CACNB2: variants seen among roughly 807,000 people sequenced by gnomAD.
CACNB2 encodes the protein voltage-dependent L-type calcium channel subunit beta-2.
Under a neutral mutation model 73.3 loss-of-function variants are expected in CACNB2, and 42 were observed. That is an observed-to-expected ratio of 0.57 (90% CI 0.45 to 0.74). The LOEUF (loss-of-function observed/expected upper bound fraction) is 0.74. Ranked by LOEUF, CACNB2 falls within the 30% of genes least tolerant of loss-of-function variation. The pLI is 0.00. For synonymous variants in CACNB2, 348 were observed against 310.3 expected, an observed-to-expected ratio of 1.12 and a Z score of -1.28; for missense variants, 940 against 853.0, an observed-to-expected ratio of 1.10 and a Z score of -1.27.
At chr10:18,222,104 G>A (rs2035816169) in intron 2 of CACNB2, among the ~76,000 whole-genome samples, 1 of 152,152 alleles carries the variant, frequency 6.6e-6, no homozygotes, top group African/African-American at 2.4e-5. Context: ...TCCCTGGCAG[G>A]AGTACACAAT....
chr10:18,185,024 C>T (rs2034085234), intron 2 of CACNB2, among the ~76,000 whole-genome samples: 1 of 151,998 alleles, frequency 6.6e-6, no homozygotes, highest in Admixed American at 6.6e-5. Context: ...TTTTTTGTAG[C>T]AACAGAATCC....
In CACNB2 at chr10:18,524,207, G is replaced by GTT. The variant is rs112945151; in HGVS notation, c.945-3370_945-3369dup. Among the ~76,000 whole-genome samples the GTT allele has an allele frequency of 4.3e-3, 632 of 145,632 alleles. 2 individuals carry two copies. The highest frequency in any genetic ancestry group is 6.8e-3 in the Non-Finnish European group (450 of 65,796). ...GAAAGCTACCTGGGATAAATTCACGGTTTTTTTTTTTTGTTTTTTTGTTTT... is the reference window on the plus strand; with the variant it reads ...GAAAGCTACCTGGGATAAATTCACGGTTTTTTTTTTTTTTGTTTTTTTGTTTT... On this transcript the variant is annotated intron_variant, in intron 9 of 13. Coordinates refer to ENST00000324631, the MANE Select transcript of CACNB2 (RefSeq NM_201596.3).
chr10:18,222,834 G>T (rs1190377672), intron 2 of CACNB2, among the ~76,000 whole-genome samples: 1 of 152,196 alleles, frequency 6.6e-6, no homozygotes, highest in East Asian at 1.9e-4. Context: ...CTACTTGGGA[G>T]GCTGAGGCAG....
At chr10:18,494,631 C>CAAAAA (rs909672661) in intron 3 of CACNB2, among the ~76,000 whole-genome samples, 64 of 59,728 alleles carry the variant, frequency 1.1e-3, no homozygotes, top group East Asian at 1.5e-3. Context: ...GACTCCGTCT[C>CAAAAA]AAAAAAAAAA....
chr10:18,313,260 A>T (rs1002986963), intron 2 of CACNB2, among the ~76,000 whole-genome samples: 1 of 150,622 alleles, frequency 6.6e-6, no homozygotes, highest in African/African-American at 2.4e-5. Flanking sequence ...GTTTAGATTT[A>T]TAGCAGGTTC....
intron 2 of CACNB2, among the ~76,000 whole-genome samples, chr10:18,185,907 A>T (rs1336056506): frequency 6.6e-6 from 1 of 152,110 alleles, no homozygotes; most frequent in Non-Finnish European, 1.5e-5. Flanking sequence ...GTGAACAGGT[A>T]AGTGTGAGTC....
intron 2 of CACNB2, among the ~76,000 whole-genome samples, chr10:18,228,391 A>G (rs2036084600): frequency 7.4e-6 from 1 of 134,846 alleles, no homozygotes; most frequent in South Asian, 2.6e-4. Context: ...CGAGATGGCG[A>G]CATTGCACTC....
At chr10:18,183,341 T>TG (rs1315261530) in intron 2 of CACNB2, among the ~76,000 whole-genome samples, 1 of 152,036 alleles carries the variant, frequency 6.6e-6, no homozygotes, top group Non-Finnish European at 1.5e-5. Flanking sequence ...TTATTATTTT[T>TG]TTTCATTAAA....
intron 2 of CACNB2, among the ~76,000 whole-genome samples, chr10:18,233,453 C>T (rs144223765): frequency 2.1e-3 from 305 of 147,452 alleles, no homozygotes; most frequent in East Asian, 6.4e-3. Context: ...ATCTTTTTTT[C>T]TCTCTCTCTC....
chr10:18,414,325 C>G (rs537199040), intron 3 of CACNB2, among the ~76,000 whole-genome samples: 1 of 152,292 alleles, frequency 6.6e-6, no homozygotes, highest in Admixed American at 6.5e-5. Context: ...CTGAGTAACA[C>G]CAAGTACTTG....
At chr10:18,237,365 C>A (rs2036485904) in intron 2 of CACNB2, among the ~76,000 whole-genome samples, 2 of 152,058 alleles carry the variant, frequency 1.3e-5, no homozygotes, top group Non-Finnish European at 1.5e-5. Flanking sequence ...AAGAGAAAAC[C>A]AAGACACAGA....
chr10:18,432,983 C>G (rs1371950873), intron 3 of CACNB2, among the ~76,000 whole-genome samples: 1 of 152,144 alleles, frequency 6.6e-6, no homozygotes, highest in Non-Finnish European at 1.5e-5. Context: ...CTGGTGTCAG[C>G]TATCTTTTAT....
intron 2 of CACNB2, among the ~76,000 whole-genome samples, chr10:18,201,486 G>A (rs1277761): frequency 0.87 from 131,765 of 152,086 alleles, 57,274 homozygotes; most frequent in Non-Finnish European, 0.9. Flanking sequence ...TGTTGGACAA[G>A]CTGGTCTTGA....
chr10:18,328,089 A>G (rs2040654790), intron 2 of CACNB2, among the ~76,000 whole-genome samples: 1 of 152,218 alleles, frequency 6.6e-6, no homozygotes, highest in Non-Finnish European at 1.5e-5. Context: ...GCAGTGCTCT[A>G]AGAATCTTAG....
intron 3 of CACNB2, among the ~76,000 whole-genome samples, chr10:18,437,050 T>C (rs2046171097): frequency 6.6e-6 from 1 of 152,238 alleles, no homozygotes; most frequent in African/African-American, 2.4e-5. Context: ...AGTCACCTGA[T>C]ACATTTGACT....
At chr10:18,166,821 C>G (rs959133124) in intron 2 of CACNB2, among the ~76,000 whole-genome samples, 4 of 152,086 alleles carry the variant, frequency 2.6e-5, no homozygotes, top group Non-Finnish European at 5.9e-5. Flanking sequence ...GTGCAGCACA[C>G]CAACATGGCA....
intron 2 of CACNB2, among the ~76,000 whole-genome samples, chr10:18,160,055 A>G (rs182239138): frequency 1.3e-5 from 2 of 152,300 alleles, no homozygotes; most frequent in Admixed American, 6.5e-5. Flanking sequence ...GTATACTATT[A>G]AAACATTTTA....
chr10:18,205,795 C>T (rs1269970168), intron 2 of CACNB2, among the ~76,000 whole-genome samples: 1 of 152,136 alleles, frequency 6.6e-6, no homozygotes, highest in Admixed American at 6.5e-5. Context: ...CAAAACCTAA[C>T]TCCTCCAGTG....
In CACNB2 at chr10:18,540,236, A is replaced by AAAGTT. The variant is rs1368108182; in HGVS notation, c.*514_*518dup. Reference sequence around the variant, plus strand: ...TCTTGCCTTACACAAAGGGGATCATAAAGTTAGAATCTATTTTCTATGTAC... The same window carrying AAAGTT: ...TCTTGCCTTACACAAAGGGGATCATAAAGTTAAGTTAGAATCTATTTTCTATGTAC... On this transcript the variant is annotated 3_prime_UTR_variant, in exon 14 of 14. Coordinates refer to ENST00000324631, the MANE Select transcript of CACNB2 (RefSeq NM_201596.3). 1 of 174,084 alleles carries AAAGTT rather than the reference A, an allele frequency of 5.7e-6. No homozygotes were observed. Among genetic ancestry groups the AAAGTT allele is most frequent in the East Asian group, 1.5e-4 (1 of 6,456 alleles). 10.8% of individuals were successfully genotyped at this position (174,084 alleles called of 1,614,324 possible). A position where few individuals can be genotyped will look rare whatever the true frequency, so the allele number is the denominator to read the frequency against.
Sources: allele counts gnomAD v4.1 joint callset (sites outside exome capture counted in the v4.1 genomes callset), GRCh38; gene constraint gnomAD v4.1.1; transcripts MANE v1.5; gene names NCBI Gene and HGNC (gene_info 2026-07-23, HGNC 2026-07-21).